TMEM181: variants seen among roughly 807,000 people sequenced by gnomAD.
TMEM181 encodes the protein transmembrane protein 181, also known as G protein-coupled receptor 178.
TMEM181 carries 39 observed loss-of-function variants against 71.9 expected under a neutral mutation model. The ratio of observed to expected loss-of-function variants is 0.54; its 90% CI spans 0.42 to 0.71. The LOEUF (loss-of-function observed/expected upper bound fraction) is 0.71. Ranked by LOEUF, TMEM181 falls within the 30% of genes least tolerant of loss-of-function variation. TMEM181 has a pLI of 0.00. For missense variants in TMEM181, 595 were observed against 583.0 expected, an observed-to-expected ratio of 1.02 and a Z score of -0.21; for synonymous variants, 245 against 228.8, an observed-to-expected ratio of 1.07 and a Z score of -0.64.
At chr6:158,617,605 G>T (rs947760379) in intron 10 of TMEM181, among the ~76,000 whole-genome samples, 7 of 152,156 alleles carry the variant, frequency 4.6e-5, no homozygotes, top group Non-Finnish European at 7.3e-5. Flanking sequence ...GCTTTCTCTT[G>T]TGGGCATTTA....
At chr6:158,615,438 T>C (rs941168160) in intron 10 of TMEM181, among the ~76,000 whole-genome samples, 1 of 152,248 alleles carries the variant, frequency 6.6e-6, no homozygotes, top group Non-Finnish European at 1.5e-5. Context: ...GTAGGTTGCC[T>C]GTTCACTCTG....
At chr6:158,618,254 A>G (rs1438296622) in intron 10 of TMEM181, among the ~76,000 whole-genome samples, 1 of 151,864 alleles carries the variant, frequency 6.6e-6, no homozygotes, top group Admixed American at 6.6e-5. Flanking sequence ...GTCTCTTTTG[A>G]TCTTTGTTGG....
At chr6:158,581,852 C>G (rs1472764628) in intron 3 of TMEM181, among the ~76,000 whole-genome samples, 1 of 146,166 alleles carries the variant, frequency 6.8e-6, no homozygotes, top group Non-Finnish European at 1.5e-5. Flanking sequence ...TGAATAAATA[C>G]TAACCTGTGA....
intron 6 of TMEM181, among the ~76,000 whole-genome samples, chr6:158,590,298 G>C (rs1488178342): frequency 6.6e-6 from 1 of 151,866 alleles, no homozygotes; most frequent in Non-Finnish European, 1.5e-5. Context: ...TGATTTTGTT[G>C]AGCCTCAGTT....
chr6:158,569,161 G>A (rs1488006702), intron 1 of TMEM181, among the ~76,000 whole-genome samples: 4 of 152,176 alleles, frequency 2.6e-5, no homozygotes, highest in Admixed American at 2.6e-4. Context: ...TAGATTGGAA[G>A]TCGAGAGCGG....
At chr6:158,553,667 G>T (rs1310953955) in intron 1 of TMEM181, among the ~76,000 whole-genome samples, 1 of 152,156 alleles carries the variant, frequency 6.6e-6, no homozygotes, top group East Asian at 1.9e-4. Context: ...CAAAACCCAT[G>T]CAACAGTATA....
intron 3 of TMEM181, among the ~76,000 whole-genome samples, chr6:158,583,661 G>A (rs941914133): frequency 3.3e-5 from 5 of 152,254 alleles, no homozygotes; most frequent in East Asian, 1.9e-4. Context: ...TTAGCTGGAC[G>A]TGGTGGCGGG....
chr6:158,541,559 C>G (rs1230754628), intron 1 of TMEM181, among the ~76,000 whole-genome samples: 1 of 152,240 alleles, frequency 6.6e-6, no homozygotes, highest in African/African-American at 2.4e-5. Context: ...GTCTCCCTCT[C>G]CCCACACAAA....
intron 8 of TMEM181, 62 bp downstream of exon 8, chr6:158,607,405 T>C: frequency 6.8e-7 from 1 of 1,476,092 alleles, no homozygotes; most frequent in Middle Eastern, 1.9e-4. Flanking sequence ...GGAGGCCAGG[T>C]GCAGGGTTGT....
At position 158,608,457 on chromosome 6, in the gene TMEM181, T is replaced by G. The variant is rs1472008615; in HGVS notation, c.798T>G (p.Arg266=). 1 of 1,614,218 alleles carries G rather than the reference T, an allele frequency of 6.2e-7. No homozygotes were observed. The highest frequency in any genetic ancestry group is 8.5e-7 in the Non-Finnish European group (1 of 1,180,032). ...GGCTGTGCGTGTACCACGGGATTCG[T>G]GTCCAGGTGAGCCGGAGCCGCCCTC... ...LFWLCVYHGI[R]VQGERKCLTF... is the part of the protein sequence containing the mutation. Residue 266 remains arginine, a synonymous_variant, in exon 9 of 17, where the codon CGT becomes CGG. Transcript: ENST00000684151.
chr6:158,541,596 T>C (rs1781347572), intron 1 of TMEM181, among the ~76,000 whole-genome samples: 1 of 152,208 alleles, frequency 6.6e-6, no homozygotes. Flanking sequence ...CAGCTCACCT[T>C]GGCTCATGTT....
In TMEM181 at chr6:158,629,829, C is replaced by G. The variant is rs772324572; in HGVS notation, c.1282+10C>G. ...AAGAATGCCCTCTATGGTAAGCCAC[C>G]CTGGGGTCTGGACTGCTGGCCAGTT... On this transcript the variant is annotated intron_variant, in intron 15 of 16. Transcript: ENST00000684151. The G allele has an allele frequency of 3.1e-6, 5 of 1,611,298 alleles. No individual in the cohort carries two copies. In the South Asian group the frequency reaches 4.4e-5, roughly 14 times the overall value.
chr6:158,603,335 C>T (rs1583017720), intron 6 of TMEM181, among the ~76,000 whole-genome samples: 2 of 150,878 alleles, frequency 1.3e-5, no homozygotes, highest in African/African-American at 2.5e-5. Context: ...ATTAGATTCT[C>T]GTAAGGAGCG....
intron 6 of TMEM181, among the ~76,000 whole-genome samples, chr6:158,601,587 C>T (rs568503800): frequency 1.3e-5 from 2 of 151,860 alleles, no homozygotes; most frequent in East Asian, 1.9e-4. Flanking sequence ...GATGAAGCCC[C>T]GTCTCGACTA....
At chr6:158,604,185 G>T (rs1177093744) in intron 6 of TMEM181, among the ~76,000 whole-genome samples, 1 of 152,178 alleles carries the variant, frequency 6.6e-6, no homozygotes, top group African/African-American at 2.4e-5. Flanking sequence ...CTGTCTCCCT[G>T]GACTCCCAGC....
At chr6:158,628,671 G>A (rs551417049) in intron 14 of TMEM181, among the ~76,000 whole-genome samples, 181 bp downstream of exon 14, 114 of 152,372 alleles carry the variant, frequency 7.5e-4, no homozygotes, top group Middle Eastern at 3.4e-3. Flanking sequence ...GGAAGGGGCA[G>A]CCTGTCCCTC....
chr6:158,577,027 A>C (rs1783199386), intron 2 of TMEM181, among the ~76,000 whole-genome samples: 1 of 142,826 alleles, frequency 7.0e-6, no homozygotes, highest in Non-Finnish European at 1.5e-5. Flanking sequence ...GCGCCACTGC[A>C]CTCCAGCCTG....
rs1314305788 is a variant in TMEM181 at position 158,635,130 on chromosome 6, A to G, written c.*3242A>G. The G allele has an allele frequency of 6.6e-6, 1 of 152,210 alleles. No homozygotes were observed. The highest frequency in any genetic ancestry group is 2.4e-5 in the African/African-American group (1 of 41,442). 9.4% of individuals were successfully genotyped at this position (152,210 alleles called of 1,614,324 possible). A position where few individuals can be genotyped will look rare whatever the true frequency, so the allele number is the denominator to read the frequency against. On this transcript the variant is annotated 3_prime_UTR_variant, in exon 17 of 17. Transcript: ENST00000684151. ...TTTATCTTGGTTTGACATTGGAGAT[A>G]CGCTAGTAACTGTGATACCATACTA...
chr6:158,631,173 C>A, intron 15 of TMEM181, 150 bp from the exon 16 acceptor site: 1 of 785,428 alleles, frequency 1.3e-6, no homozygotes, highest in Admixed American at 2.1e-5. Context: ...AACAGCCTCA[C>A]GAGATGTGTT....
Sources: allele counts gnomAD v4.1 joint callset (sites outside exome capture counted in the v4.1 genomes callset), GRCh38; gene constraint gnomAD v4.1.1; transcripts MANE v1.5; gene names NCBI Gene and HGNC (gene_info 2026-07-23, HGNC 2026-07-21).